RAB11FIP4: variants seen among roughly 807,000 people sequenced by gnomAD.
RAB11FIP4 encodes RAB11 family interacting protein 4, also known as rab11 family-interacting protein 4.
In RAB11FIP4, 23 loss-of-function variants were observed where a neutral mutation model predicts 74.3. That is an observed-to-expected ratio of 0.31 (90% confidence interval 0.22 to 0.44). The LOEUF is 0.44. Ranked by LOEUF, RAB11FIP4 falls within the 20% of genes least tolerant of loss-of-function variation. The probability of loss-of-function intolerance (pLI) is 1.00; values close to 1 mark genes in which losing one functional copy is unlikely to be tolerated. For missense variants in RAB11FIP4, 630 were observed against 863.9 expected (o/e 0.73, Z 3.39); for synonymous variants, 360 against 359.9 (o/e 1.00, Z 0.00).
intron 10 of RAB11FIP4, chr17:31,526,242 G>C (rs897406595): frequency 6.6e-6 from 1 of 152,310 alleles, no homozygotes; most frequent in African/African-American, 2.4e-5. Context: ...TGGCCCAAGA[G>C]AGGTGGCTGG....
intron 14 of RAB11FIP4, 21 bp from the exon 15 acceptor site, chr17:31,531,595 C>T (rs770255699): frequency 1.2e-5 from 18 of 1,554,858 alleles, no homozygotes; most frequent in African/African-American, 6.8e-5. Flanking sequence ...GCCACTGACC[C>T]GTCTTTCCCA....
chr17:31,462,455 G>A (rs1389190502), intron 3 of RAB11FIP4, among the ~76,000 whole-genome samples: 1 of 152,032 alleles, frequency 6.6e-6, no homozygotes, highest in East Asian at 1.9e-4. Flanking sequence ...AATTTGCAGG[G>A]AAGCATTTAA....
In RAB11FIP4 at chr17:31,531,752, A is replaced by T; in HGVS notation, c.*20A>T. On this transcript the variant is annotated 3_prime_UTR_variant, in exon 15 of 15. Coordinates refer to ENST00000621161, the MANE Select transcript of RAB11FIP4 (RefSeq NM_032932.6). The stretch of plus-strand genomic sequence containing the variant: ...CACTAAGGCACGGGGCTGGCTGCAG[A>T]GCAGCCTTAGGACCCTGGGACCAAG... 5 of 1,534,140 alleles carry T rather than the reference A, an allele frequency of 3.3e-6. No homozygotes were observed. Among genetic ancestry groups the T allele is most frequent in the South Asian group, 1.1e-5 (1 of 89,512 alleles).
intron 3 of RAB11FIP4, chr17:31,488,351 A>T: frequency 1.0e-6 from 1 of 990,178 alleles, no homozygotes; most frequent in Non-Finnish European, 1.2e-6. Context: ...CGGCCCCGGG[A>T]AGTTGGCGGA....
intron 7 of RAB11FIP4, 138 bp from the exon 8 acceptor site, chr17:31,523,374 C>T (rs779459844): frequency 9.3e-5 from 67 of 718,014 alleles, no homozygotes; most frequent in Non-Finnish European, 1.5e-4. Flanking sequence ...AACATTCTTC[C>T]TCTCAGGCTG....
chr17:31,486,505 A>G (rs2071903409), intron 3 of RAB11FIP4, among the ~76,000 whole-genome samples: 1 of 152,170 alleles, frequency 6.6e-6, no homozygotes, highest in Non-Finnish European at 1.5e-5. Context: ...TCAAATACCT[A>G]GCCACAAGTA....
At chr17:31,430,434 T>C (rs1174077996) in intron 1 of RAB11FIP4, among the ~76,000 whole-genome samples, 1 of 146,180 alleles carries the variant, frequency 6.8e-6, no homozygotes, top group African/African-American at 2.6e-5. Context: ...CTCAGCTCAA[T>C]GCAACCTCTG....
chr17:31,416,143 G>A (rs939784168), intron 1 of RAB11FIP4, among the ~76,000 whole-genome samples: 9 of 152,202 alleles, frequency 5.9e-5, no homozygotes, highest in African/African-American at 1.9e-4. Flanking sequence ...AGTGCTCTGG[G>A]GTTGCCTTCT....
At chr17:31,392,592 T>A (rs935997664) in intron 1 of RAB11FIP4, 1 of 152,272 alleles carries the variant, frequency 6.6e-6, no homozygotes, top group African/African-American at 2.4e-5. Flanking sequence ...CTGGCTGTGT[T>A]GGTTGCAGCA....
At chr17:31,463,519 G>C (rs972023258) in intron 3 of RAB11FIP4, among the ~76,000 whole-genome samples, 2 of 152,040 alleles carry the variant, frequency 1.3e-5, no homozygotes, top group African/African-American at 4.8e-5. Context: ...AGAGCACCCA[G>C]AACCTCCCTC....
At chr17:31,457,675 G>A (rs1471442578) in intron 3 of RAB11FIP4, among the ~76,000 whole-genome samples, 2 of 151,932 alleles carry the variant, frequency 1.3e-5, no homozygotes, top group Non-Finnish European at 2.9e-5. Flanking sequence ...GTGGGAGCAG[G>A]CCTGACCCCC....
intron 1 of RAB11FIP4, among the ~76,000 whole-genome samples, chr17:31,414,595 C>T (rs918132841): frequency 6.6e-6 from 1 of 152,324 alleles, no homozygotes; most frequent in East Asian, 1.9e-4. Flanking sequence ...TGTTGGCGGT[C>T]CCATAAAGGA....
intron 3 of RAB11FIP4, among the ~76,000 whole-genome samples, chr17:31,515,679 T>G (rs566490392): frequency 1.3e-5 from 2 of 151,932 alleles, no homozygotes; most frequent in African/African-American, 4.8e-5. Flanking sequence ...TTTAATAGGG[T>G]GCCCTGCCAG....
intron 3 of RAB11FIP4, among the ~76,000 whole-genome samples, chr17:31,482,961 G>A (rs971635138): frequency 1.3e-4 from 20 of 152,064 alleles, no homozygotes; most frequent in Non-Finnish European, 2.8e-4. Flanking sequence ...TTGGGAGGCC[G>A]AGGCGGGCGG....
intron 3 of RAB11FIP4, among the ~76,000 whole-genome samples, chr17:31,470,577 T>TA (rs2071727673): frequency 6.6e-6 from 1 of 152,196 alleles, no homozygotes; most frequent in Non-Finnish European, 1.5e-5. Context: ...ATGGCTCTCA[T>TA]GATCCAATGG....
At chr17:31,523,410 C>T in intron 7 of RAB11FIP4, 102 bp from the exon 8 acceptor site, 2 of 916,662 alleles carry the variant, frequency 2.2e-6, no homozygotes, top group Non-Finnish European at 1.8e-6. Flanking sequence ...CTTAAAGGGG[C>T]AGACCCCCTG....
chr17:31,524,047 G>A, intron 9 of RAB11FIP4, 51 bp downstream of exon 9: 2 of 1,367,110 alleles, frequency 1.5e-6, no homozygotes, highest in Non-Finnish European at 2.1e-6. Flanking sequence ...GGGGAACAAA[G>A]GGGGGTCCAT....
In RAB11FIP4 at chr17:31,431,917, A is replaced by G; in HGVS notation, c.247+17A>G. The G allele has an allele frequency of 6.3e-7, 1 of 1,576,984 alleles. No homozygotes were observed. On this transcript the variant is annotated intron_variant, in intron 2 of 14. Transcript: ENST00000621161. ...CCATGAAAGGTGAGGTCTTCCCGGGAGGCTTTCCCAGGCGCTCTCCGGTCC... is the reference window on the plus strand; with the variant it reads ...CCATGAAAGGTGAGGTCTTCCCGGGGGGCTTTCCCAGGCGCTCTCCGGTCC...
chr17:31,457,935 G>A (rs1167083183), intron 3 of RAB11FIP4, among the ~76,000 whole-genome samples: 1 of 152,076 alleles, frequency 6.6e-6, no homozygotes, highest in African/African-American at 2.4e-5. Context: ...TCAACACAGG[G>A]AACCTTCCAG....
Sources: gnomAD v4.1 joint callset for allele counts (sites outside exome capture counted in the v4.1 genomes callset) on GRCh38, gnomAD v4.1.1 for gene constraint, MANE v1.5 for transcripts, NCBI Gene and HGNC (gene_info 2026-07-23, HGNC 2026-07-21) for gene names.